The following CENPP variants were observed in gnomAD, a reference collection of about 807,000 sequenced individuals.
CENPP encodes the protein centromere protein P.
Under a neutral mutation model 35.6 loss-of-function variants are expected in CENPP, and 24 were observed. That is an observed-to-expected ratio of 0.67 (90% CI 0.49 to 0.95). The LOEUF (loss-of-function observed/expected upper bound fraction) is 0.95. CENPP is among the 40% of genes least tolerant of loss of function. The pLI, the probability that CENPP is intolerant of heterozygous loss-of-function variation, is 0.00. For synonymous variants in CENPP, 120 were observed against 125.5 expected, an observed-to-expected ratio of 0.96 and a Z score of 0.29; for missense variants, 332 against 345.3, an observed-to-expected ratio of 0.96 and a Z score of 0.31.
chr9:92,522,574 C>T (rs1294321902), intron 5 of CENPP: 1 of 1,605,176 alleles, frequency 6.2e-7, no homozygotes, highest in Non-Finnish European at 8.5e-7. Context: ...TGTTCTCTTA[C>T]CTGGTAACAC....
At chr9:92,544,361 A>G (rs756314468) in intron 5 of CENPP, among the ~76,000 whole-genome samples, 17 of 152,338 alleles carry the variant, frequency 1.1e-4, no homozygotes, top group Non-Finnish European at 2.5e-4. Context: ...CTGTAAACCC[A>G]GCTGTTTGGG....
chr9:92,472,387 C>T (rs999540860), intron 5 of CENPP, among the ~76,000 whole-genome samples: 2 of 139,760 alleles, frequency 1.4e-5, no homozygotes, highest in African/African-American at 2.7e-5. Context: ...AGGCTGGGCG[C>T]GGTGGCTCAC....
intron 5 of CENPP, among the ~76,000 whole-genome samples, chr9:92,520,057 A>T (rs1847964797): frequency 6.7e-6 from 1 of 148,294 alleles, no homozygotes; most frequent in South Asian, 2.1e-4. Context: ...CAAGGAGGGA[A>T]GATTTCTTGA....
chr9:92,612,588 A>T lies in CENPP; in HGVS notation c.710A>T (p.Asp237Val). 6.2e-7 allele frequency: 1 copy of T among 1,614,132 alleles called. No individual in the cohort carries two copies. Among genetic ancestry groups the T allele is most frequent in the Non-Finnish European group, 8.5e-7 (1 of 1,179,994 alleles). Residue 237 changes from aspartate (D) to valine (V), a missense_variant, in exon 7 of 8, where the codon GAT (aspartate) becomes GTT (valine). Asp to Val is a radical substitution (Grantham distance 152). Coordinates refer to ENST00000375587, the MANE Select transcript of CENPP (RefSeq NM_001012267.3). Reference sequence around the variant, plus strand: ...GATGGGAAGGTTTTTCCAAAGCTGGATCTTCTCACCAAAGTCCCACAGCGA... The same window carrying T: ...GATGGGAAGGTTTTTCCAAAGCTGGTTCTTCTCACCAAAGTCCCACAGCGA... ...DEDGKVFPKL[D>V]LLTKVPQRAL...
intron 5 of CENPP, chr9:92,470,802 T>A: frequency 7.4e-7 from 1 of 1,349,052 alleles, no homozygotes; most frequent in Non-Finnish European, 1.0e-6. Flanking sequence ...AACAAACATA[T>A]TATATAATAG....
At chr9:92,371,806 AG>A (rs1489838792) in intron 4 of CENPP, among the ~76,000 whole-genome samples, 1 of 146,326 alleles carries the variant, frequency 6.8e-6, no homozygotes, top group Non-Finnish European at 1.5e-5. Flanking sequence ...ATATATATTT[AG>A]AATTGTTACA....
At chr9:92,415,652 A>T (rs1368097889) in intron 5 of CENPP, among the ~76,000 whole-genome samples, 2 of 150,656 alleles carry the variant, frequency 1.3e-5, no homozygotes, top group Non-Finnish European at 3.0e-5. Context: ...AAATTAAATT[A>T]TGAGTTTTAT....
At chr9:92,511,840 C>T (rs1847362921) in intron 5 of CENPP, among the ~76,000 whole-genome samples, 1 of 152,152 alleles carries the variant, frequency 6.6e-6, no homozygotes, top group Non-Finnish European at 1.5e-5. Flanking sequence ...AAATAGTAAA[C>T]TATATTCAAG....
intron 5 of CENPP, among the ~76,000 whole-genome samples, chr9:92,533,120 A>C (rs1184191096): frequency 6.6e-6 from 1 of 150,804 alleles, no homozygotes; most frequent in Non-Finnish European, 1.5e-5. Context: ...AATATGGTGA[A>C]ACCCCGTCTC....
intron 5 of CENPP, among the ~76,000 whole-genome samples, chr9:92,437,249 TA>T (rs1844267671): frequency 6.6e-6 from 1 of 152,166 alleles, no homozygotes; most frequent in Admixed American, 6.5e-5. Context: ...GGAATTACAT[TA>T]AAACTGTATA....
At chr9:92,598,597 G>A (rs1050901738) in intron 5 of CENPP, among the ~76,000 whole-genome samples, 2 of 152,188 alleles carry the variant, frequency 1.3e-5, no homozygotes, top group Non-Finnish European at 2.9e-5. Flanking sequence ...TCAGGAGGCA[G>A]GGCATCTCAC....
intron 5 of CENPP, among the ~76,000 whole-genome samples, chr9:92,585,438 T>C (rs535076767): frequency 3.7e-4 from 57 of 152,322 alleles, no homozygotes; most frequent in Non-Finnish European, 6.3e-4. Context: ...GGTTAGAATT[T>C]GTTTGTCTGT....
intron 5 of CENPP, among the ~76,000 whole-genome samples, chr9:92,608,313 G>A (rs1851137996): frequency 6.6e-6 from 1 of 151,960 alleles, no homozygotes. Flanking sequence ...TCCAGATAAG[G>A]CTTGATATTT....
intron 5 of CENPP, chr9:92,495,482 T>A (rs1846303217): frequency 1.0e-6 from 1 of 983,960 alleles, no homozygotes; most frequent in African/African-American, 1.7e-5. Context: ...ATACATTAGA[T>A]TTACCTTTAC....
intron 5 of CENPP, among the ~76,000 whole-genome samples, chr9:92,392,089 G>A (rs1842710307): frequency 6.6e-6 from 1 of 151,704 alleles, no homozygotes; most frequent in Non-Finnish European, 1.5e-5. Context: ...TCTAGGACTG[G>A]GATTTGGTAC....
intron 5 of CENPP, chr9:92,385,480 A>G (rs964282234): frequency 1.4e-5 from 10 of 700,358 alleles, no homozygotes; most frequent in African/African-American, 1.3e-4. Flanking sequence ...AAGATTTTGA[A>G]CATCCTTGCT....
intron 5 of CENPP, among the ~76,000 whole-genome samples, chr9:92,478,157 A>T (rs949647202): frequency 1.3e-5 from 2 of 152,190 alleles, no homozygotes; most frequent in Non-Finnish European, 2.9e-5. Flanking sequence ...TGCTTTTAAA[A>T]TATTTTAAAT....
At chr9:92,558,688 G>A (rs879889011) in intron 5 of CENPP, among the ~76,000 whole-genome samples, 2 of 152,116 alleles carry the variant, frequency 1.3e-5, no homozygotes, top group Non-Finnish European at 1.5e-5. Context: ...CAGTAGGCGG[G>A]GTCCTAGAAT....
At chr9:92,359,123 A>C (rs562006541) in intron 4 of CENPP, among the ~76,000 whole-genome samples, 2 of 151,644 alleles carry the variant, frequency 1.3e-5, no homozygotes, top group East Asian at 3.9e-4. Flanking sequence ...CTAATTTTGT[A>C]TTTTTAGTAG....
Sources: allele counts gnomAD v4.1 joint callset (sites outside exome capture counted in the v4.1 genomes callset), GRCh38; gene constraint gnomAD v4.1.1; transcripts MANE v1.5; gene names NCBI Gene and HGNC (gene_info 2026-07-23, HGNC 2026-07-21).